Variants in RXRA observed in about 807,000 individuals in gnomAD.
RXRA encodes the protein retinoic acid receptor RXR-alpha.
RXRA carries 5 observed loss-of-function variants against 44.5 expected under a neutral mutation model. That is an observed-to-expected ratio of 0.11 (90% confidence interval 0.06 to 0.24). RXRA has a LOEUF of 0.24. RXRA is among the 10% of genes least tolerant of loss of function. The pLI, the probability that RXRA is intolerant of heterozygous loss-of-function variation, is 1.00. For synonymous variants in RXRA, 291 were observed against 271.4 expected (o/e 1.07, Z -0.71); for missense variants, 412 against 646.5 (o/e 0.64, Z 3.93).
intron 1 of RXRA, chr9:134,379,847 G>T (rs1830615227): frequency 1.0e-6 from 1 of 985,290 alleles, no homozygotes; most frequent in South Asian, 4.7e-5. Context: ...GGGAGGGGCA[G>T]TGGCCCTGGG....
chr9:134,408,447 TC>T, intron 3 of RXRA, 148 bp downstream of exon 3: 1 of 803,762 alleles, frequency 1.2e-6, no homozygotes, highest in Non-Finnish European at 1.9e-6. Flanking sequence ...CATGCCCCAC[TC>T]CCAGGGCTCC....
intron 1 of RXRA, among the ~76,000 whole-genome samples, chr9:134,386,492 G>C (rs1830722534): frequency 6.6e-6 from 1 of 152,246 alleles, no homozygotes; most frequent in Non-Finnish European, 1.5e-5. Flanking sequence ...GGCTGTGGGG[G>C]AGAGGATCTG....
At chr9:134,388,953 C>T (rs1280676822) in intron 1 of RXRA, among the ~76,000 whole-genome samples, 2 of 152,186 alleles carry the variant, frequency 1.3e-5, no homozygotes, top group Non-Finnish European at 2.9e-5. Context: ...ATTTCTGGCT[C>T]CTCTCCTTCG....
At chr9:134,357,419 C>T (rs148208528) in intron 1 of RXRA, among the ~76,000 whole-genome samples, 489 of 152,286 alleles carry the variant, frequency 3.2e-3, no homozygotes, top group Middle Eastern at 0.027. Context: ...GCTGTAGCCG[C>T]GTGAAGTCAG....
intron 6 of RXRA, 91 bp downstream of exon 6, chr9:134,421,896 C>T (rs566951891): frequency 7.7e-5 from 119 of 1,547,460 alleles, no homozygotes; most frequent in Non-Finnish European, 9.3e-5. Flanking sequence ...TCCGCACTCC[C>T]GGGACACTCC....
At position 134,401,696 on chromosome 9, in the gene RXRA, C is replaced by T; in HGVS notation, c.93C>T (p.Pro31=). ...CGGGGCGAGGCTCCATGGCTGCCCC[C>T]TCGCTGCACCCGTCCCTGGGGCCTG... ...SPTGRGSMAA[P]SLHPSLGPGI... The change falls in exon 2 of 10, where the codon CCC becomes CCT. Residue 31 remains proline (P), a synonymous_variant. Coordinates refer to ENST00000481739, the MANE Select transcript of RXRA (RefSeq NM_002957.6). 9.9e-6 allele frequency: 16 copies of T among 1,613,148 alleles called. No homozygotes were observed. The highest frequency in any genetic ancestry group is 1.4e-5 in the Non-Finnish European group (16 of 1,179,996).
At chr9:134,402,245 C>T in intron 2 of RXRA, 1 of 276,152 alleles carries the variant, frequency 3.6e-6, no homozygotes, top group Non-Finnish European at 6.8e-6. Flanking sequence ...AAAGCTTGTG[C>T]CCACACAGCC....
rs1378984092 is a variant in RXRA at position 134,436,630 on chromosome 9, C to T, written c.*16C>T. The T allele has an allele frequency of 2.5e-6, 4 of 1,613,508 alleles. No homozygotes were observed. The East Asian group carries it at 8.9e-5, about 36-fold the overall frequency. ...AATGACTTAGGCCTGCGGGCCCATC[C>T]TTTGTGCCCACCCGTTCTGGCCACC... On this transcript the variant is annotated 3_prime_UTR_variant, in exon 10 of 10. Transcript: ENST00000481739.
intron 1 of RXRA, among the ~76,000 whole-genome samples, chr9:134,352,778 T>C (rs1182173814): frequency 1.3e-5 from 2 of 152,096 alleles, no homozygotes; most frequent in Non-Finnish European, 2.9e-5. Context: ...CTGTCTGGGC[T>C]GTGTTGGGTC....
chr9:134,326,645 A>G lies in RXRA; in HGVS notation c.14A>G (p.His5Arg). 2 of 957,370 alleles carry G rather than the reference A, an allele frequency of 2.1e-6. No individual in the cohort carries two copies. The highest frequency in any genetic ancestry group is 2.5e-6 in the Non-Finnish European group (2 of 815,144). 59.3% of individuals were successfully genotyped at this position (957,370 alleles called of 1,614,324 possible). The change falls in exon 1 of 10, where the codon CAT (histidine) becomes CGT (arginine). Residue 5 changes from histidine (H) to arginine (R), a missense_variant. Transcript: ENST00000481739. MDTK[H>R]FLPLDFSTQV... ...TTAGTCGCAGACATGGACACCAAAC[A>G]TTTCCTGCCGCTCGGTGAGTGCTCG...
chr9:134,385,443 T>C (rs1365402320), intron 1 of RXRA, among the ~76,000 whole-genome samples: 1 of 152,214 alleles, frequency 6.6e-6, no homozygotes, highest in Non-Finnish European at 1.5e-5. Flanking sequence ...TCCGAGGCTC[T>C]GCTCCATTCC....
intron 1 of RXRA, among the ~76,000 whole-genome samples, chr9:134,346,654 G>A (rs1554748845): frequency 6.6e-6 from 1 of 152,234 alleles, no homozygotes; most frequent in African/African-American, 2.4e-5. Flanking sequence ...AGAAGCGTGT[G>A]TCTGGGTGCT....
chr9:134,427,022 C>A (rs1831445170), intron 6 of RXRA: 1 of 983,058 alleles, frequency 1.0e-6, no homozygotes, highest in East Asian at 1.1e-4. Context: ...GGGAGTGGGC[C>A]CGGGGCTCCT....
intron 1 of RXRA, among the ~76,000 whole-genome samples, chr9:134,338,885 G>A (rs1830046369): frequency 6.6e-6 from 1 of 152,202 alleles, no homozygotes; most frequent in Non-Finnish European, 1.5e-5. Flanking sequence ...GGAGACAGCC[G>A]CCGTTCTGCC....
At chr9:134,429,042 G>T in intron 6 of RXRA, 66 bp from the exon 7 acceptor site, 2 of 1,592,574 alleles carry the variant, frequency 1.3e-6, no homozygotes, top group South Asian at 1.1e-5. Flanking sequence ...TCCCACCAGG[G>T]GCTGGGGAAG....
At chr9:134,414,995 T>C (rs752009452) in intron 4 of RXRA, among the ~76,000 whole-genome samples, 3 of 152,168 alleles carry the variant, frequency 2.0e-5, no homozygotes, top group Non-Finnish European at 4.4e-5. Flanking sequence ...TGCCAGACCC[T>C]TGCCATTTGC....
At position 134,353,117 on chromosome 9, in the gene RXRA, G is replaced by T. The variant is rs1440021580; in HGVS notation, c.28+26458G>T. Among the ~76,000 whole-genome samples the T allele has an allele frequency of 3.3e-5, 5 of 152,210 alleles. No homozygotes were observed. The South Asian group carries it at 1.0e-3, about 32-fold the overall frequency. On this transcript the variant is annotated intron_variant, in intron 1 of 9. Coordinates refer to ENST00000481739, the MANE Select transcript of RXRA (RefSeq NM_002957.6). ...GGAGGGGGGAGGAGGGGCTGGGGCTGCTGGTGTGGCTGGGAGGGGCAGGCC... is the reference window on the plus strand; with the variant it reads ...GGAGGGGGGAGGAGGGGCTGGGGCTTCTGGTGTGGCTGGGAGGGGCAGGCC...
chr9:134,356,714 C>T (rs910356947), intron 1 of RXRA, among the ~76,000 whole-genome samples: 15 of 152,192 alleles, frequency 9.9e-5, no homozygotes, highest in African/African-American at 3.4e-4. Flanking sequence ...CAGGGGAGGA[C>T]GAGTGTTCTC....
intron 1 of RXRA, among the ~76,000 whole-genome samples, chr9:134,381,628 G>A (rs535294527): frequency 3.4e-4 from 52 of 152,270 alleles, no homozygotes; most frequent in African/African-American, 1.2e-3. Flanking sequence ...AGGCCCCTCT[G>A]GTACAGAGGG....
Sources: allele counts gnomAD v4.1 joint callset (sites outside exome capture counted in the v4.1 genomes callset), GRCh38; gene constraint gnomAD v4.1.1; transcripts MANE v1.5; gene names NCBI Gene and HGNC (gene_info 2026-07-23, HGNC 2026-07-21).